The following ASB15 variants were observed in gnomAD, a reference collection of about 807,000 sequenced individuals.
ASB15 encodes ankyrin repeat and SOCS box containing 15, also known as ankyrin repeat and SOCS box protein 15.
In ASB15, 54 loss-of-function variants were observed where a neutral mutation model predicts 58.0. The ratio of observed to expected loss-of-function variants is 0.93; its 90% confidence interval spans 0.75 to 1.17. ASB15 has a LOEUF of 1.17. Ranked by LOEUF, ASB15 falls within the 50% of genes most tolerant of loss-of-function variation. The pLI is 0.00. For synonymous variants in ASB15, 249 were observed against 262.4 expected, an observed-to-expected ratio of 0.95 and a Z score of 0.50; for missense variants, 680 against 707.4, an observed-to-expected ratio of 0.96 and a Z score of 0.44.
chr7:123,628,893 C>A lies in ASB15; in HGVS notation c.899C>A (p.Ser300Tyr), dbSNP rs1224190284. ...LALKYLIPVT[S>Y]KNAIRKSGLT... is the part of the protein sequence containing the mutation. ...CTGAAATATCTTATCCCAGTAACATCTAAAAATGCAATTCGGAAAAGTGGG... is the reference window on the plus strand; with the variant it reads ...CTGAAATATCTTATCCCAGTAACATATAAAAATGCAATTCGGAAAAGTGGG... The change falls in exon 10 of 12, where the codon TCT becomes TAT. Residue 300 changes from serine (S) to tyrosine (Y), a missense_variant. Coordinates refer to ENST00000451215, the MANE Select transcript of ASB15 (RefSeq NM_001290258.2). The A allele has an allele frequency of 6.4e-7, 1 of 1,560,820 alleles. No homozygotes were observed. The highest frequency in any genetic ancestry group is 1.4e-5 in the African/African-American group (1 of 73,062).
At chr7:123,572,131 CTTTTTTTT>C (rs61198371) in intron 1 of ASB15, among the ~76,000 whole-genome samples, 52 of 47,994 alleles carry the variant, frequency 1.1e-3, no homozygotes, top group East Asian at 8.6e-3. Flanking sequence ...TGTAGAATTT[CTTTTTTTT>C]TTTTTTTTTT....
rs551753312 is a variant in ASB15, at chr7:123,615,080, T to A, written c.107+471T>A. On this transcript the variant is annotated intron_variant, in intron 4 of 11. Transcript: ENST00000451215. ...GAATAATGCTAAGCCATGTAGCCCA[T>A]TAGTTAATGAATGAGAGAAGCGTTG... Among the ~76,000 whole-genome samples the A allele has an allele frequency of 1.6e-4, 24 of 152,220 alleles. No individual in the cohort carries two copies. In the South Asian group the frequency reaches 2.7e-3, roughly 17 times the overall value.
chr7:123,591,239 C>T (rs940611543), intron 1 of ASB15, among the ~76,000 whole-genome samples: 4 of 152,200 alleles, frequency 2.6e-5, no homozygotes, highest in Admixed American at 1.3e-4. Flanking sequence ...ATCATGTCAT[C>T]TGCAAATACA....
chr7:123,620,755 G>A lies in ASB15; in HGVS notation c.451+3018G>A, dbSNP rs563624872. Among the ~76,000 whole-genome samples the A allele has an allele frequency of 2.6e-3, 393 of 149,384 alleles. 2 individuals are homozygous for A. Among genetic ancestry groups the A allele is most frequent in the African/African-American group, 8.9e-3 (361 of 40,574 alleles). ...TTTTTTGTATTTTTATTAGAGACAG[G>A]GTTTCACCATGTTAGCTAGGATGGT... On this transcript the variant is annotated intron_variant, in intron 7 of 11. Transcript: ENST00000451215.
chr7:123,601,722 G>A (rs560505007), upstream of ASB15: 3 of 152,196 alleles, frequency 2.0e-5, no homozygotes, highest in East Asian at 5.8e-4. Flanking sequence ...AGAGTCTAGA[G>A]AAGTCATGGG....
At chr7:123,583,266 G>A (rs1306573057) in intron 1 of ASB15, among the ~76,000 whole-genome samples, 3 of 151,902 alleles carry the variant, frequency 2.0e-5, no homozygotes, top group African/African-American at 2.4e-5. Context: ...AGACAGCACT[G>A]TAGATTCTAA....
intron 1 of ASB15, among the ~76,000 whole-genome samples, chr7:123,583,370 G>T (rs537079871): frequency 1.3e-5 from 2 of 152,034 alleles, no homozygotes; most frequent in Non-Finnish European, 2.9e-5. Flanking sequence ...CGGGAAACTG[G>T]AATTGATAAC....
intron 11 of ASB15, among the ~76,000 whole-genome samples, chr7:123,632,221 CAAT>C (rs1310551898): frequency 1.3e-5 from 2 of 151,688 alleles, no homozygotes; most frequent in Non-Finnish European, 2.9e-5. Context: ...TATGAAAGAA[CAAT>C]ACGAGTCAAA....
At position 123,575,078 on chromosome 7, in the gene ASB15, G is replaced by A. The variant is rs900242223; in HGVS notation, c.-443+7990G>A. 8.0e-4 allele frequency among the ~76,000 whole-genome samples: 94 copies of A among 117,286 alleles called. 2 individuals carry two copies. The highest frequency in any genetic ancestry group is 3.0e-3 in the African/African-American group (91 of 30,300). The allele number at this position is 117,286 out of a possible 152,430, so 76.9% of individuals were successfully genotyped here. A position where few individuals can be genotyped will look rare whatever the true frequency, so the allele number is the denominator to read the frequency against. Reference sequence around the variant, plus strand: ...ATGTTTCCTTTTTTTTTTTTTTTTGGTAGTTTTAAAAAATATCTTTGCCTA... The same window carrying A: ...ATGTTTCCTTTTTTTTTTTTTTTTGATAGTTTTAAAAAATATCTTTGCCTA... On this transcript the variant is annotated intron_variant, in intron 1 of 13. Coordinates refer to the ASB15 transcript ENST00000451558.
Position 123,627,138 on chromosome 7 carries a change from T to C in ASB15, c.726T>C (p.Asp242=). 1.2e-6 allele frequency: 2 copies of C among 1,613,786 alleles called. No homozygotes were observed. Among genetic ancestry groups the C allele is most frequent in the Middle Eastern group, 1.6e-4 (1 of 6,062 alleles). Residue 242 remains aspartate, a synonymous_variant, in exon 9 of 12, where the codon GAT becomes GAC. Coordinates refer to ENST00000451215, the MANE Select transcript of ASB15 (RefSeq NM_001290258.2). ...KGGDVLALAD[D]GASVLFEAAG... ...GTGATGTGCTTGCTTTGGCGGATGA[T>C]GGGGCGTCGGTGCTGTTTGAGGCAG...
At chr7:123,573,253 G>A (rs940738814) in intron 1 of ASB15, among the ~76,000 whole-genome samples, 4 of 143,210 alleles carry the variant, frequency 2.8e-5, no homozygotes, top group African/African-American at 5.2e-5. Flanking sequence ...CTTCCCCCCC[G>A]CCTCCCCATA....
intron 11 of ASB15, among the ~76,000 whole-genome samples, chr7:123,632,621 C>A (rs1584822335): frequency 6.6e-6 from 1 of 152,036 alleles, no homozygotes; most frequent in African/African-American, 2.4e-5. Flanking sequence ...CCTCAAAGTC[C>A]ATTGTATCAT....
chr7:123,570,356 G>T (rs573298521), intron 1 of ASB15, among the ~76,000 whole-genome samples: 9 of 152,134 alleles, frequency 5.9e-5, no homozygotes, highest in African/African-American at 2.2e-4. Context: ...CTTATAAGTG[G>T]TGAAAGGTAG....
chr7:123,634,475 A>G (rs1423410374), intron 11 of ASB15, among the ~76,000 whole-genome samples: 1 of 152,152 alleles, frequency 6.6e-6, no homozygotes, highest in Non-Finnish European at 1.5e-5. Flanking sequence ...GGTTGATTCC[A>G]TGTCTTTGCT....
At position 123,606,285 on chromosome 7, in the gene ASB15, C is replaced by T. The variant is rs1800145271; in HGVS notation, c.-64+2073C>T. Among the ~76,000 whole-genome samples, 3 of 152,116 alleles carry T rather than the reference C, an allele frequency of 2.0e-5. No individual in the cohort carries two copies. The South Asian group carries it at 6.2e-4, about 31-fold the overall frequency. ...TGCTCTTTCAAATTTCTGCTCCTTC[C>T]CACGCCAAGAAACTCTCTTCACCAA... On this transcript the variant is annotated intron_variant, in intron 2 of 11. Coordinates refer to ENST00000451215, the MANE Select transcript of ASB15 (RefSeq NM_001290258.2).
chr7:123,568,388 C>T (rs902019276), intron 1 of ASB15, among the ~76,000 whole-genome samples: 7 of 151,422 alleles, frequency 4.6e-5, no homozygotes, highest in Non-Finnish European at 7.4e-5. Context: ...GGCATGGTGG[C>T]GCATGCTTGT....
chr7:123,568,350 T>TAA (rs796485040), intron 1 of ASB15, among the ~76,000 whole-genome samples: 1 of 143,024 alleles, frequency 7.0e-6, no homozygotes, highest in African/African-American at 2.6e-5. Context: ...CCATCTCTAC[T>TAA]AAAAAAAAAA....
At chr7:123,571,907 C>G (rs932937146) in intron 1 of ASB15, among the ~76,000 whole-genome samples, 6 of 151,928 alleles carry the variant, frequency 3.9e-5, no homozygotes, top group Non-Finnish European at 8.8e-5. Context: ...TGAGACCACA[C>G]CACAGGCATG....
chr7:123,621,529 A>G (rs1198702929), intron 7 of ASB15: 1 of 152,156 alleles, frequency 6.6e-6, no homozygotes, highest in Non-Finnish European at 1.5e-5. Context: ...AGAATCCCTT[A>G]ACTTGTAGAG....
Sources: allele counts gnomAD v4.1 joint callset (sites outside exome capture counted in the v4.1 genomes callset), GRCh38; gene constraint gnomAD v4.1.1; transcripts MANE v1.5; gene names NCBI Gene and HGNC (gene_info 2026-07-23, HGNC 2026-07-21).